The following KCNN1 variants were observed in gnomAD, a reference collection of about 807,000 sequenced individuals.
The protein encoded by KCNN1 is potassium calcium-activated channel subfamily N member 1.
Under a neutral mutation model 44.7 loss-of-function variants are expected in KCNN1, and 20 were observed. The ratio of observed to expected loss-of-function variants is 0.45; its 90% CI spans 0.32 to 0.65. KCNN1 has a LOEUF of 0.65. Among genes scored for constraint, KCNN1 ranks in the 30% least tolerant of loss-of-function variants. The pLI, the probability that KCNN1 is intolerant of heterozygous loss-of-function variation, is 0.05. For missense variants in KCNN1, 632 were observed against 785.3 expected (o/e 0.80, Z 2.33); for synonymous variants, 324 against 341.7 (o/e 0.95, Z 0.57).
intron 2 of KCNN1, among the ~76,000 whole-genome samples, chr19:17,959,183 C>T (rs2031619734): frequency 6.6e-6 from 1 of 151,130 alleles, no homozygotes; most frequent in African/African-American, 2.4e-5. Context: ...CGCCACCACA[C>T]CCAGCTAATT....
intron 1 of KCNN1, among the ~76,000 whole-genome samples, chr19:17,968,925 G>A (rs538965292): frequency 9.8e-5 from 15 of 152,302 alleles, no homozygotes; most frequent in Non-Finnish European, 1.6e-4. Context: ...CTCCTGGGCT[G>A]AAGTGATCTC....
chr19:17,960,875 G>T (rs1396889476), intron 2 of KCNN1, among the ~76,000 whole-genome samples: 8 of 151,852 alleles, frequency 5.3e-5, no homozygotes, highest in Non-Finnish European at 8.8e-5. Context: ...CCTCATATGG[G>T]CTTCGTATTA....
intron 1 of KCNN1, among the ~76,000 whole-genome samples, chr19:17,972,707 C>T (rs1350025326): frequency 5.3e-5 from 8 of 152,164 alleles, no homozygotes; most frequent in Admixed American, 1.3e-4. Context: ...CCTACAAATG[C>T]AGGAGGCACG....
chr19:17,980,228 AT>A (rs34810089), intron 3 of KCNN1, among the ~76,000 whole-genome samples: 644 of 44,464 alleles, frequency 0.014, no homozygotes, highest in African/African-American at 0.031. Flanking sequence ...CACCTAGCTA[AT>A]TTTTTTTTTT....
chr19:17,989,561 G>A (rs892215362), intron 6 of KCNN1, among the ~76,000 whole-genome samples, 155 bp from the exon 7 acceptor site: 2 of 152,226 alleles, frequency 1.3e-5, no homozygotes, highest in African/African-American at 4.8e-5. Context: ...ACACTGCACA[G>A]ATGTTGTTGT....
At chr19:17,984,883 G>C (rs1028214061) in intron 4 of KCNN1, among the ~76,000 whole-genome samples, 1 of 152,074 alleles carries the variant, frequency 6.6e-6, no homozygotes, top group African/African-American at 2.4e-5. Flanking sequence ...TCGAGCCCCA[G>C]GTGGTGATCC....
Position 17,993,162 on chromosome 19 carries a change from AG to A in KCNN1, c.1307+102del. On this transcript the variant is annotated intron_variant, in intron 8 of 9. Coordinates refer to ENST00000684775, the MANE Select transcript of KCNN1 (RefSeq NM_001386974.1). The surrounding 1 kb of genome is among the most constrained non-coding windows in gnomAD (Gnocchi z 4.5). Reference sequence around the variant, plus strand: ...CGGGGCATGCCAACCCCAGCCTCAGAGGCGGGCAGGGTTCACATCTGCCCCA... The same window carrying A: ...CGGGGCATGCCAACCCCAGCCTCAGAGCGGGCAGGGTTCACATCTGCCCCA... The A allele has an allele frequency of 7.0e-7, 1 of 1,434,132 alleles. No individual in the cohort carries two copies. Among genetic ancestry groups the A allele is most frequent in the Non-Finnish European group, 9.7e-7 (1 of 1,027,398 alleles). 88.8% of individuals were successfully genotyped at this position (1,434,132 alleles called of 1,614,324 possible).
chr19:17,989,938 AG>A, intron 7 of KCNN1, 95 bp downstream of exon 7: 4 of 1,583,532 alleles, frequency 2.5e-6, no homozygotes, highest in Non-Finnish European at 3.5e-6. Context: ...GCTCCCTGCC[AG>A]GGACGGGTGG....
At chr19:17,963,311 C>T (rs1485072545), upstream of KCNN1, among the ~76,000 whole-genome samples, 1 of 146,510 alleles carries the variant, frequency 6.8e-6, no homozygotes, top group African/African-American at 2.5e-5. Context: ...CTGCACCCGG[C>T]CACCTTTTTT....
In KCNN1 at chr19:17,967,125, G is replaced by T. The variant is rs1487618438; in HGVS notation, c.-274G>T. ...CCCGGGCGGGCGCTCGCCCCCCGCC[G>T]GGCCCGTGGACTGGGCGGCGGGGGA... On this transcript the variant is annotated 5_prime_UTR_variant, in exon 1 of 10. Transcript: ENST00000684775. 1 of 977,046 alleles carries T rather than the reference G, an allele frequency of 1.0e-6. No individual in the cohort carries two copies. Among genetic ancestry groups the T allele is most frequent in the African/African-American group, 1.8e-5 (1 of 56,558 alleles). 60.5% of individuals were successfully genotyped at this position (977,046 alleles called of 1,614,324 possible).
At chr19:17,957,279 GAA>G (rs1465815797) in intron 2 of KCNN1, among the ~76,000 whole-genome samples, 1 of 110,928 alleles carries the variant, frequency 9.0e-6, no homozygotes, top group East Asian at 2.7e-4. Context: ...GGGAAAGGGA[GAA>G]GAGAGAGAGG....
chr19:17,985,519 T>C (rs1599369508), intron 5 of KCNN1, 66 bp downstream of exon 5: 1 of 1,428,718 alleles, frequency 7.0e-7, no homozygotes, highest in African/African-American at 1.4e-5. Flanking sequence ...CACCAGCCCT[T>C]GCATACCCCT....
In KCNN1 at chr19:17,993,340, G is replaced by C. The variant is rs2032864512; in HGVS notation, c.1308-150G>C. 2.8e-6 allele frequency: 2 copies of C among 703,118 alleles called. No homozygotes were observed. Among genetic ancestry groups the C allele is most frequent in the Non-Finnish European group, 5.1e-6 (2 of 393,014 alleles). 43.6% of individuals were successfully genotyped at this position (703,118 alleles called of 1,614,324 possible). ...ACCGGCTGTGTACTGGGAGGGAATA[G>C]ACTACAGGGAATCGGCCTCCCAACT... On this transcript the variant is annotated intron_variant, in intron 8 of 9. Transcript: ENST00000684775. This position sits in a 1 kb window ranked among gnomAD's most constrained non-coding sequence, Gnocchi z 4.5.
rs1292633310 is a variant in KCNN1 at position 17,993,393 on chromosome 19, A to G, written c.1308-97A>G. On this transcript the variant is annotated intron_variant, in intron 8 of 9. Coordinates refer to ENST00000684775, the MANE Select transcript of KCNN1 (RefSeq NM_001386974.1). The surrounding 1 kb of genome is among the most constrained non-coding windows in gnomAD (Gnocchi z 4.5). ...CACCTCATCCTCTGATGCATGTCCCATAGGTGACCCCGGGTGGGTGCATGA... is the reference window on the plus strand; with the variant it reads ...CACCTCATCCTCTGATGCATGTCCCGTAGGTGACCCCGGGTGGGTGCATGA... 3.4e-6 allele frequency: 3 copies of G among 872,394 alleles called. No homozygotes were observed. In the East Asian group the frequency reaches 7.8e-5, roughly 23 times the overall value. The allele number at this position is 872,394 out of a possible 1,614,324, so 54.0% of individuals were successfully genotyped here.
upstream of KCNN1, among the ~76,000 whole-genome samples, chr19:17,965,157 T>C (rs996634741): frequency 2.6e-5 from 4 of 151,622 alleles, no homozygotes; most frequent in South Asian, 2.1e-4. Context: ...CCCAGCTACA[T>C]TGGAAGGCGG....
intron 5 of KCNN1, among the ~76,000 whole-genome samples, chr19:17,987,645 G>A (rs1009260138): frequency 5.9e-5 from 9 of 151,974 alleles, no homozygotes; most frequent in Admixed American, 4.6e-4. Flanking sequence ...TTTCCTCCGG[G>A]AGCCCCTGCT....
At chr19:17,962,269 C>A (rs1007305178), upstream of KCNN1, among the ~76,000 whole-genome samples, 3 of 152,162 alleles carry the variant, frequency 2.0e-5, no homozygotes, top group African/African-American at 7.2e-5. Context: ...GGAGCTGCTA[C>A]CCTGCCTGCC....
At chr19:17,982,601 G>C in intron 4 of KCNN1, 1 of 985,184 alleles carries the variant, frequency 1.0e-6, no homozygotes, top group Non-Finnish European at 1.2e-6. Flanking sequence ...CCGCTGAGCT[G>C]TGTGCGCAGA....
chr19:17,986,047 C>T (rs1294725318), intron 5 of KCNN1, among the ~76,000 whole-genome samples: 1 of 151,494 alleles, frequency 6.6e-6, no homozygotes, highest in Admixed American at 6.6e-5. Flanking sequence ...CTGTGACCAA[C>T]ATGGAGAAAC....
Sources: gnomAD v4.1 joint callset for allele counts (sites outside exome capture counted in the v4.1 genomes callset) on GRCh38, gnomAD v4.1.1 for gene constraint, Gnocchi (gnomAD v3.1) non-coding constraint, MANE v1.5 for transcripts, NCBI Gene and HGNC (gene_info 2026-07-23, HGNC 2026-07-21) for gene names.